ATG10: variants seen among roughly 807,000 people sequenced by gnomAD.
The protein encoded by ATG10 is autophagy related 10, also known as ubiquitin-like-conjugating enzyme ATG10.
ATG10 carries 30 observed loss-of-function variants against 32.1 expected under a neutral mutation model. That is an observed-to-expected ratio of 0.94 (90% CI 0.70 to 1.27). The LOEUF is 1.27. ATG10 is among the 50% of genes most tolerant of loss of function. The pLI is 0.00. For missense variants in ATG10, 233 were observed against 262.3 expected (o/e 0.89, Z 0.77); for synonymous variants, 87 against 91.5 (o/e 0.95, Z 0.28).
intron 3 of ATG10, among the ~76,000 whole-genome samples, chr5:82,085,631 A>T (rs1458114076): frequency 3.3e-5 from 5 of 151,954 alleles, no homozygotes; most frequent in Non-Finnish European, 5.9e-5. Flanking sequence ...TAGAACTTAA[A>T]GTATAACAAA....
intron 5 of ATG10, among the ~76,000 whole-genome samples, chr5:82,188,200 A>G (rs1471291155): frequency 6.6e-6 from 1 of 152,196 alleles, no homozygotes; most frequent in Non-Finnish European, 1.5e-5. Flanking sequence ...TTTGGGTCTT[A>G]TTACTTCTTT....
rs557454633 is a variant in ATG10, at chr5:82,103,469, G to A, written c.216+44867G>A. 3.3e-5 allele frequency among the ~76,000 whole-genome samples: 5 copies of A among 152,156 alleles called. No individual in the cohort carries two copies. In the East Asian group the frequency reaches 7.7e-4, roughly 24 times the overall value. Reference sequence around the variant, plus strand: ...GATTCACTCTTACATAAACCTGTGTGCCCCTCTATCTCTTTTTCTACCACT... The same window carrying A: ...GATTCACTCTTACATAAACCTGTGTACCCCTCTATCTCTTTTTCTACCACT... On this transcript the variant is annotated intron_variant, in intron 3 of 7. Coordinates refer to ENST00000282185, the MANE Select transcript of ATG10 (RefSeq NM_031482.5).
rs184865374 is a variant in ATG10 at position 82,084,314 on chromosome 5, A to C, written c.216+25712A>C. Among the ~76,000 whole-genome samples the C allele has an allele frequency of 3.1e-3, 465 of 152,352 alleles. 4 individuals are homozygous for C. Among genetic ancestry groups the C allele is most frequent in the Middle Eastern group, 0.027 (8 of 294 alleles). On this transcript the variant is annotated intron_variant, in intron 3 of 7. Coordinates refer to ENST00000282185, the MANE Select transcript of ATG10 (RefSeq NM_031482.5). ...GTAAAAAGAAACAAACAAAGCCTCC[A>C]AGAAATATGGAACTATGTGAAAATA...
intron 1 of ATG10, among the ~76,000 whole-genome samples, chr5:81,984,505 C>T (rs1379167675): frequency 6.6e-6 from 1 of 152,212 alleles, no homozygotes; most frequent in Non-Finnish European, 1.5e-5. Flanking sequence ...TGAGAGTTCA[C>T]TTGAGTGACT....
intron 2 of ATG10, among the ~76,000 whole-genome samples, chr5:82,050,216 A>G (rs1040091955): frequency 6.6e-6 from 1 of 152,018 alleles, no homozygotes; most frequent in Non-Finnish European, 1.5e-5. Context: ...ATTCCATTGT[A>G]TGGATGATTT....
At chr5:82,203,580 G>T (rs1442558906) in intron 5 of ATG10, among the ~76,000 whole-genome samples, 1 of 152,072 alleles carries the variant, frequency 6.6e-6, no homozygotes, top group Non-Finnish European at 1.5e-5. Context: ...ATGTTTAAGT[G>T]CTATATATAT....
intron 3 of ATG10, among the ~76,000 whole-genome samples, chr5:82,089,565 G>C (rs1764810725): frequency 6.6e-6 from 1 of 152,100 alleles, no homozygotes; most frequent in South Asian, 2.1e-4. Context: ...AACATACCCT[G>C]ACCTCAGTCT....
Position 82,179,020 on chromosome 5 carries a change from C to T in ATG10, c.453+433C>T, listed in dbSNP as rs182758330. ...TAGCCTAACCTACCTTAAATGTGCT[C>T]GGGACACTTACATTAGCCTACAGTT... On this transcript the variant is annotated intron_variant, in intron 5 of 7. Transcript: ENST00000282185. Among the ~76,000 whole-genome samples the T allele has an allele frequency of 1.1e-4, 17 of 152,184 alleles. No homozygotes were observed. In the East Asian group the frequency reaches 3.1e-3, roughly 28 times the overall value.
intron 3 of ATG10, among the ~76,000 whole-genome samples, chr5:82,061,003 A>T (rs1165724937): frequency 6.6e-6 from 1 of 152,214 alleles, no homozygotes; most frequent in East Asian, 1.9e-4. Flanking sequence ...TCAAAGAGTG[A>T]AACCTATAAC....
chr5:82,230,732 CAAAAAAA>C (rs397881697), intron 5 of ATG10, among the ~76,000 whole-genome samples: 2 of 58,804 alleles, frequency 3.4e-5, no homozygotes, highest in African/African-American at 6.3e-5. Flanking sequence ...GACTCCGTCT[CAAAAAAA>C]AAAAAAAAAA....
At chr5:82,095,252 T>G (rs776983423) in intron 3 of ATG10, among the ~76,000 whole-genome samples, 2 of 152,168 alleles carry the variant, frequency 1.3e-5, no homozygotes, top group African/African-American at 2.4e-5. Context: ...GCCCTCACTT[T>G]TGCCTTTGTA....
At chr5:82,139,175 G>A (rs1406954745) in intron 3 of ATG10, among the ~76,000 whole-genome samples, 2 of 144,290 alleles carry the variant, frequency 1.4e-5, no homozygotes, top group African/African-American at 5.3e-5. Flanking sequence ...GTGCAGTGGC[G>A]TGATCTCGGC....
intron 3 of ATG10, among the ~76,000 whole-genome samples, chr5:82,152,014 A>G (rs963849580): frequency 2.6e-5 from 4 of 152,250 alleles, no homozygotes; most frequent in African/African-American, 7.2e-5. Context: ...TTGAAATGCC[A>G]TATTACAGTC....
chr5:82,204,012 A>G (rs893297429), intron 5 of ATG10, among the ~76,000 whole-genome samples: 11 of 152,226 alleles, frequency 7.2e-5, no homozygotes, highest in Admixed American at 2.0e-4. Flanking sequence ...GGAGACAACA[A>G]TAAACAAAAG....
chr5:82,005,109 A>G (rs1761956546), intron 2 of ATG10, among the ~76,000 whole-genome samples: 1 of 152,144 alleles, frequency 6.6e-6, no homozygotes, highest in African/African-American at 2.4e-5. Context: ...AAAACAACCA[A>G]ATAAATAGGG....
intron 1 of ATG10, among the ~76,000 whole-genome samples, chr5:81,979,689 C>CT (rs35202555): frequency 0.087 from 10,715 of 123,682 alleles, 441 homozygotes; most frequent in Non-Finnish European, 0.098. Flanking sequence ...GTAGGTAAAC[C>CT]TTTTTTTTTT....
chr5:82,026,431 A>C (rs1762597417), intron 2 of ATG10, among the ~76,000 whole-genome samples: 1 of 152,118 alleles, frequency 6.6e-6, no homozygotes, highest in Non-Finnish European at 1.5e-5. Flanking sequence ...TTTTTAATGC[A>C]TGTACAATAT....
In ATG10 at chr5:81,978,777, C is replaced by T. The variant is rs180852817; in HGVS notation, c.-13+6471C>T. The stretch of plus-strand genomic sequence containing the variant: ...CTAGCCTCAAGTGATCCTCCTACCT[C>T]GGCCTTGCAAAGTGTACATCAGTTT... On this transcript the variant is annotated intron_variant, in intron 1 of 7. Transcript: ENST00000282185. Among the ~76,000 whole-genome samples, 113 of 152,130 alleles carry T rather than the reference C, an allele frequency of 7.4e-4. 1 individual carries two copies. The highest frequency in any genetic ancestry group is 2.7e-3 in the Admixed American group (42 of 15,276).
intron 3 of ATG10, among the ~76,000 whole-genome samples, chr5:82,154,723 T>G (rs1258322358): frequency 1.3e-5 from 2 of 152,232 alleles, no homozygotes; most frequent in African/African-American, 4.8e-5. Flanking sequence ...ATTATAGTAT[T>G]ATTTAAAAGC....
Sources: gnomAD v4.1 joint callset for allele counts (sites outside exome capture counted in the v4.1 genomes callset) on GRCh38, gnomAD v4.1.1 for gene constraint, MANE v1.5 for transcripts, NCBI Gene and HGNC (gene_info 2026-07-23, HGNC 2026-07-21) for gene names.